CADM1: variants seen among roughly 807,000 people sequenced by gnomAD.
CADM1 encodes the protein TSLC-1.
A neutral mutation model predicts 53.1 loss-of-function variants in CADM1; 15 were observed. The ratio of observed to expected loss-of-function variants is 0.28; its 90% CI spans 0.19 to 0.44. The LOEUF is 0.44. Ranked by LOEUF, CADM1 falls within the 20% of genes least tolerant of loss-of-function variation. The pLI is 1.00. For synonymous variants in CADM1, 281 were observed against 243.0 expected, an observed-to-expected ratio of 1.16 and a Z score of -1.45; for missense variants, 434 against 611.3, an observed-to-expected ratio of 0.71 and a Z score of 3.06.
chr11:115,218,771 G>A (rs1941291707), intron 5 of CADM1, among the ~76,000 whole-genome samples: 1 of 152,146 alleles, frequency 6.6e-6, no homozygotes, highest in Admixed American at 6.6e-5. Context: ...GCTTCCTAAT[G>A]CAGTGAGGTA....
chr11:115,229,027 A>T, intron 5 of CADM1, 86 bp downstream of exon 5: 2 of 1,226,866 alleles, frequency 1.6e-6, no homozygotes, highest in Non-Finnish European at 2.4e-6. Flanking sequence ...TACTATATAA[A>T]ATGAATGCAT....
At chr11:115,398,886 T>C (rs937637093) in intron 1 of CADM1, among the ~76,000 whole-genome samples, 3 of 152,190 alleles carry the variant, frequency 2.0e-5, no homozygotes, top group Non-Finnish European at 4.4e-5. Context: ...ATTTCCTGAA[T>C]CTCAGCCAAA....
intron 7 of CADM1, 42 bp downstream of exon 7, chr11:115,214,566 G>A (rs1565302411): frequency 6.4e-7 from 1 of 1,568,374 alleles, no homozygotes; most frequent in Non-Finnish European, 8.8e-7. Flanking sequence ...GCAGCTCCAT[G>A]TGACTGACTC....
intron 1 of CADM1, among the ~76,000 whole-genome samples, chr11:115,309,115 A>G (rs574123590): frequency 6.6e-6 from 1 of 152,200 alleles, no homozygotes; most frequent in Admixed American, 6.6e-5. Context: ...TTATTCTTAT[A>G]CAAGCTATAA....
chr11:115,454,293 A>C (rs1948639795), intron 1 of CADM1, among the ~76,000 whole-genome samples: 1 of 152,222 alleles, frequency 6.6e-6, no homozygotes, highest in South Asian at 2.1e-4. Flanking sequence ...CTTGGCTAAA[A>C]ATAGCAGAAG....
At chr11:115,417,603 A>G (rs535222505) in intron 1 of CADM1, among the ~76,000 whole-genome samples, 3 of 152,266 alleles carry the variant, frequency 2.0e-5, no homozygotes, top group African/African-American at 7.2e-5. Context: ...CATAACCAAG[A>G]CGGCTAGTGA....
intron 1 of CADM1, among the ~76,000 whole-genome samples, chr11:115,483,002 T>TC (rs1392473791): frequency 7.9e-5 from 12 of 152,204 alleles, no homozygotes; most frequent in Non-Finnish European, 1.6e-4. Flanking sequence ...TTCATACTTT[T>TC]CCCTCTCCTT....
At chr11:115,265,952 A>AG (rs1286871570) in intron 1 of CADM1, among the ~76,000 whole-genome samples, 1 of 152,174 alleles carries the variant, frequency 6.6e-6, no homozygotes, top group Admixed American at 6.5e-5. Flanking sequence ...ATCATGAGGA[A>AG]GCTTGTTAGA....
At chr11:115,309,517 C>T (rs538294031) in intron 1 of CADM1, among the ~76,000 whole-genome samples, 13 of 152,094 alleles carry the variant, frequency 8.5e-5, no homozygotes, top group Non-Finnish European at 1.2e-4. Flanking sequence ...AGTTTAATAA[C>T]GGATTTCAAT....
At chr11:115,232,860 A>T (rs1413979042) in intron 3 of CADM1, among the ~76,000 whole-genome samples, 4 of 152,232 alleles carry the variant, frequency 2.6e-5, no homozygotes, top group Admixed American at 2.6e-4. Context: ...ATGATTAATA[A>T]GTTTCTCAAC....
chr11:115,499,360 T>A (rs1949685183), intron 1 of CADM1, among the ~76,000 whole-genome samples: 1 of 152,224 alleles, frequency 6.6e-6, no homozygotes. Flanking sequence ...TTCTCCCCTA[T>A]GAAGGTGCTT....
chr11:115,418,490 T>G (rs1591209994), intron 1 of CADM1, among the ~76,000 whole-genome samples: 1 of 152,226 alleles, frequency 6.6e-6, no homozygotes, highest in South Asian at 2.1e-4. Context: ...CCATTGGGGG[T>G]TTGCTTCAGC....
intron 8 of CADM1, among the ~76,000 whole-genome samples, chr11:115,206,831 C>T (rs1446491419): frequency 8.7e-6 from 1 of 115,586 alleles, no homozygotes; most frequent in African/African-American, 3.3e-5. Context: ...TTGGCTGCTG[C>T]AGCTTTTAAG....
intron 1 of CADM1, among the ~76,000 whole-genome samples, chr11:115,330,948 G>A (rs964106858): frequency 7.9e-5 from 12 of 152,080 alleles, no homozygotes; most frequent in Non-Finnish European, 8.8e-5. Flanking sequence ...ATGAACAAAA[G>A]GGTACAGGGT....
Position 115,174,641 on chromosome 11 carries a change from T to TC in CADM1, c.*1832dup. 1 of 984,712 alleles carries TC rather than the reference T, an allele frequency of 1.0e-6. No homozygotes were observed. The highest frequency in any genetic ancestry group is 1.2e-6 in the Non-Finnish European group (1 of 829,056). The allele number at this position is 984,712 out of a possible 1,614,324, so 61.0% of individuals were successfully genotyped here. A position where few individuals can be genotyped will look rare whatever the true frequency, so the allele number is the denominator to read the frequency against. ...CAAATAACAAAGAGTTGACACTTTTTCCCCCTTAAATAAATCAGCATAAGT... is the reference window on the plus strand; with the variant it reads ...CAAATAACAAAGAGTTGACACTTTTTCCCCCCTTAAATAAATCAGCATAAGT... On this transcript the variant is annotated 3_prime_UTR_variant, in exon 12 of 12. Coordinates refer to ENST00000331581, the MANE Select transcript of CADM1 (RefSeq NM_001301043.2).
At position 115,463,174 on chromosome 11, in the gene CADM1, T is replaced by TATTG. The variant is rs532497989; in HGVS notation, c.124+41093_124+41096dup. Among the ~76,000 whole-genome samples, 34 of 152,262 alleles carry TATTG rather than the reference T, an allele frequency of 2.2e-4. No individual in the cohort carries two copies. In the South Asian group the frequency reaches 3.1e-3, roughly 14 times the overall value. On this transcript the variant is annotated intron_variant, in intron 1 of 11. Coordinates refer to ENST00000331581, the MANE Select transcript of CADM1 (RefSeq NM_001301043.2). ...GGGGACTCACCAACCTCCTGAAGGC[T>TATTG]ATTGATTGATCCTATGGACCCCACT...
chr11:115,227,746 T>C (rs1941665276), intron 5 of CADM1, among the ~76,000 whole-genome samples: 1 of 152,212 alleles, frequency 6.6e-6, no homozygotes, highest in Non-Finnish European at 1.5e-5. Flanking sequence ...AATGTTAAAT[T>C]GAGCCAAGCT....
chr11:115,301,694 T>C (rs1362496203), intron 1 of CADM1, among the ~76,000 whole-genome samples: 1 of 152,082 alleles, frequency 6.6e-6, no homozygotes, highest in Admixed American at 6.6e-5. Context: ...CAAGTTCCAA[T>C]CCAGACTTCG....
At chr11:115,193,305 A>G (rs1310839622) in intron 9 of CADM1, among the ~76,000 whole-genome samples, 1 of 152,226 alleles carries the variant, frequency 6.6e-6, no homozygotes, top group Non-Finnish European at 1.5e-5. Context: ...GCTAATTAAA[A>G]TGTATTCAAC....
Sources: gnomAD v4.1 joint callset for allele counts (sites outside exome capture counted in the v4.1 genomes callset) on GRCh38, gnomAD v4.1.1 for gene constraint, MANE v1.5 for transcripts, NCBI Gene and HGNC (gene_info 2026-07-23, HGNC 2026-07-21) for gene names.